Variants in PAK5 observed in about 807,000 individuals in gnomAD.
PAK5 encodes the protein serine/threonine-protein kinase PAK 5.
PAK5 carries 16 observed loss-of-function variants against 65.9 expected under a neutral mutation model. The ratio of observed to expected loss-of-function variants is 0.24; its 90% confidence interval spans 0.16 to 0.37. The LOEUF is 0.37. Among genes scored for constraint, PAK5 ranks in the 10% least tolerant of loss-of-function variants. The pLI is 1.00. For missense variants in PAK5, 785 were observed against 903.9 expected (o/e 0.87, Z 1.69); for synonymous variants, 371 against 354.9 (o/e 1.05, Z -0.51).
chr20:9,579,123 C>A (rs2045935799), intron 4 of PAK5, among the ~76,000 whole-genome samples: 1 of 152,114 alleles, frequency 6.6e-6, no homozygotes, highest in African/African-American at 2.4e-5. Context: ...CAGGTGAATG[C>A]AGGCAGGCTT....
chr20:9,754,388 A>C (rs1296149322), intron 1 of PAK5, among the ~76,000 whole-genome samples: 2 of 152,018 alleles, frequency 1.3e-5, no homozygotes, highest in Non-Finnish European at 2.9e-5. Context: ...TCAGAGATGA[A>C]ATTACAGGGC....
intron 1 of PAK5, among the ~76,000 whole-genome samples, chr20:9,713,255 G>A (rs539181613): frequency 6.6e-6 from 1 of 151,914 alleles, no homozygotes; most frequent in East Asian, 1.9e-4. Flanking sequence ...ACAGGTGTTT[G>A]AAAAAATGCT....
intron 7 of PAK5, 23 bp from the exon 8 acceptor site, chr20:9,544,517 A>G (rs1240509282): frequency 6.2e-7 from 1 of 1,611,128 alleles, no homozygotes; most frequent in Non-Finnish European, 8.5e-7. Flanking sequence ...GGAATGCAAC[A>G]AACTAGCAAT....
intron 3 of PAK5, among the ~76,000 whole-genome samples, chr20:9,624,854 A>T (rs996201825): frequency 2.6e-5 from 4 of 152,198 alleles, no homozygotes; most frequent in African/African-American, 9.6e-5. Flanking sequence ...ACTAACTATG[A>T]GCCCCAGTCC....
chr20:9,741,882 C>A (rs1009941505), intron 1 of PAK5, among the ~76,000 whole-genome samples: 1 of 151,548 alleles, frequency 6.6e-6, no homozygotes, highest in African/African-American at 2.4e-5. Flanking sequence ...AAAAAAAAAA[C>A]TCCTCCCTCT....
intron 4 of PAK5, chr20:9,577,598 A>C (rs1034203654): frequency 6.6e-6 from 1 of 152,256 alleles, no homozygotes; most frequent in African/African-American, 2.4e-5. Context: ...TGTGATTGGT[A>C]CACTCTAAGA....
At chr20:9,564,490 G>C (rs1336336385) in intron 5 of PAK5, among the ~76,000 whole-genome samples, 1 of 152,150 alleles carries the variant, frequency 6.6e-6, no homozygotes. Context: ...AGTAATAAAA[G>C]TGCTAATGAA....
chr20:9,553,200 T>A (rs1357032989), intron 7 of PAK5, among the ~76,000 whole-genome samples: 1 of 152,178 alleles, frequency 6.6e-6, no homozygotes, highest in Non-Finnish European at 1.5e-5. Context: ...ACTCATTGTG[T>A]GTGTAGTGTA....
At chr20:9,687,886 G>GGTGTGTGTGTGTGTGTGTGT (rs111641971) in intron 2 of PAK5, among the ~76,000 whole-genome samples, 2 of 148,626 alleles carry the variant, frequency 1.3e-5, no homozygotes, top group African/African-American at 5.0e-5. Context: ...AAGAGAGGGA[G>GGTGTGTGTGTGTGTGTGTGT]GTGTGTGTGT....
At chr20:9,816,295 G>GTA (rs1024809669) in intron 1 of PAK5, among the ~76,000 whole-genome samples, 22 of 152,288 alleles carry the variant, frequency 1.4e-4, no homozygotes, top group African/African-American at 5.1e-4. Context: ...GTTATTATGA[G>GTA]TATATTATCT....
intron 1 of PAK5, among the ~76,000 whole-genome samples, chr20:9,800,220 C>A (rs16996420): frequency 5.3e-5 from 8 of 151,984 alleles, no homozygotes; most frequent in Non-Finnish European, 2.9e-5. Flanking sequence ...AGATTCATGA[C>A]GCTTTGAGGA....
chr20:9,544,942 T>C (rs947146774), intron 7 of PAK5, among the ~76,000 whole-genome samples: 1 of 152,228 alleles, frequency 6.6e-6, no homozygotes, highest in East Asian at 1.9e-4. Context: ...TAGATTTCTA[T>C]GTACCATGAG....
intron 3 of PAK5, among the ~76,000 whole-genome samples, chr20:9,632,589 G>A (rs1233927638): frequency 2.0e-5 from 3 of 152,190 alleles, no homozygotes; most frequent in African/African-American, 7.2e-5. Context: ...TATTTATAAA[G>A]ATGTCCTTGT....
intron 3 of PAK5, among the ~76,000 whole-genome samples, chr20:9,602,079 T>A (rs191704233): frequency 1.4e-4 from 22 of 151,904 alleles, no homozygotes; most frequent in African/African-American, 4.6e-4. Context: ...GATCACGAGG[T>A]CAAGAGATCG....
At chr20:9,630,742 GA>G (rs1367016070) in intron 3 of PAK5, among the ~76,000 whole-genome samples, 1 of 152,220 alleles carries the variant, frequency 6.6e-6, no homozygotes, top group African/African-American at 2.4e-5. Flanking sequence ...CTAAGCCACA[GA>G]GGGCCATTCC....
In PAK5 at chr20:9,812,091, G is replaced by A. The variant is rs539931612; in HGVS notation, c.-162+26671C>T. On this transcript the variant is annotated intron_variant, in intron 1 of 9. Coordinates refer to ENST00000353224, the MANE Select transcript of PAK5 (RefSeq NM_177990.4). Reference sequence around the variant, plus strand: ...TTTCCTAGGGGATCACCTTTCACTAGGTCTTTTCAAGAAAATATTTTTGAG... The same window carrying A: ...TTTCCTAGGGGATCACCTTTCACTAAGTCTTTTCAAGAAAATATTTTTGAG... Among the ~76,000 whole-genome samples the A allele has an allele frequency of 6.7e-4, 102 of 152,088 alleles. 1 individual carries two copies. Among genetic ancestry groups the A allele is most frequent in the African/African-American group, 1.5e-3 (64 of 41,484 alleles).
intron 3 of PAK5, among the ~76,000 whole-genome samples, chr20:9,603,819 A>C (rs1466554209): frequency 6.6e-6 from 1 of 152,160 alleles, no homozygotes; most frequent in East Asian, 1.9e-4. Flanking sequence ...CAGGTGTGGA[A>C]ACTGAGTCTT....
intron 1 of PAK5, among the ~76,000 whole-genome samples, chr20:9,823,096 C>T (rs973935192): frequency 1.2e-4 from 19 of 152,278 alleles, no homozygotes; most frequent in African/African-American, 4.6e-4. Context: ...AGATTAGTGT[C>T]CTTATAAGAA....
chr20:9,778,766 G>A (rs6516498), intron 1 of PAK5, among the ~76,000 whole-genome samples: 54,270 of 151,844 alleles, frequency 0.36, 10,170 homozygotes, highest in Middle Eastern at 0.48. Context: ...CTTTTTCTAT[G>A]CCCTTTTCAC....
Sources: gnomAD v4.1 joint callset for allele counts (sites outside exome capture counted in the v4.1 genomes callset) on GRCh38, gnomAD v4.1.1 for gene constraint, MANE v1.5 for transcripts, NCBI Gene and HGNC (gene_info 2026-07-23, HGNC 2026-07-21) for gene names.